The following EHBP1L1 variants were observed in gnomAD, a reference collection of about 807,000 sequenced individuals.
EHBP1L1 encodes EH domain-binding protein 1-like protein 1.
A neutral mutation model predicts 151.1 loss-of-function variants in EHBP1L1; 122 were observed. The ratio of observed to expected loss-of-function variants is 0.81; its 90% CI spans 0.70 to 0.94. The LOEUF is 0.94. Among genes scored for constraint, EHBP1L1 ranks in the 40% least tolerant of loss-of-function variants. The probability of loss-of-function intolerance (pLI) is 0.00; values close to 1 mark genes in which losing one functional copy is unlikely to be tolerated. For missense variants in EHBP1L1, 1,941 were observed against 1,959.8 expected (o/e 0.99, Z 0.18); for synonymous variants, 878 against 810.1 (o/e 1.08, Z -1.42).
Position 65,585,073 on chromosome 11 carries a change from G to T in EHBP1L1, c.3415G>T (p.Ala1139Ser). Reference sequence around the variant, plus strand: ...CATGACGTACCTGTGCCAGATCCGCGCCTTCTGCACCGGGCAGGAGCTGCA... The same window carrying T: ...CATGACGTACCTGTGCCAGATCCGCTCCTTCTGCACCGGGCAGGAGCTGCA... ...IVMTYLCQIR[A>S]FCTGQELQLV... The change falls in exon 12 of 19, where the codon GCC becomes TCC. Residue 1139 changes from alanine (A) to serine (S), a missense_variant. Ala to Ser is a moderately conservative substitution (Grantham distance 99). Transcript: ENST00000309295. This position sits in a 1 kb window ranked among gnomAD's most constrained non-coding sequence, Gnocchi z 4.0. The T allele has an allele frequency of 6.5e-7, 1 of 1,543,760 alleles. No homozygotes were observed. Among genetic ancestry groups the T allele is most frequent in the East Asian group, 2.4e-5 (1 of 40,856 alleles).
rs76222487 is a variant in EHBP1L1, at chr11:65,582,033, C to A, written c.1361C>A (p.Thr454Asn). Residue 454 changes from threonine (T) to asparagine (N), a missense_variant, in exon 9 of 19, where the codon ACC (threonine) becomes AAC (asparagine). Coordinates refer to ENST00000309295, the MANE Select transcript of EHBP1L1 (RefSeq NM_001099409.3). ...GVMPEARCRG[T>N]PEAPPRGSQG... Reference sequence around the variant, plus strand: ...ATGCCTGAGGCAAGATGCAGGGGGACCCCTGAGGCTCCTCCAAGGGGCTCT... The same window carrying A: ...ATGCCTGAGGCAAGATGCAGGGGGAACCCTGAGGCTCCTCCAAGGGGCTCT... The A allele has an allele frequency of 2.5e-6, 4 of 1,613,456 alleles. No individual in the cohort carries two copies. Among genetic ancestry groups the A allele is most frequent in the African/African-American group, 1.3e-5 (1 of 75,040 alleles).
At chr11:65,578,707 T>C (rs11607147) in intron 1 of EHBP1L1, among the ~76,000 whole-genome samples, 88,830 of 152,162 alleles carry the variant, frequency 0.58, 28,434 homozygotes, top group Non-Finnish European at 0.69. Flanking sequence ...TGTGTTGGAG[T>C]CTGCGTGTGT....
Position 65,582,301 on chromosome 11 carries a change from G to T in EHBP1L1, c.1629G>T (p.Gly543=). 6.5e-7 allele frequency: 1 copy of T among 1,532,074 alleles called. No homozygotes were observed. The highest frequency in any genetic ancestry group is 1.3e-5 in the South Asian group (1 of 77,044). 94.9% of individuals were successfully genotyped at this position (1,532,074 alleles called of 1,614,324 possible). A position where few individuals can be genotyped will look rare whatever the true frequency, so the allele number is the denominator to read the frequency against. ...GGCCCCAGGTGAGCAGCTGGCAGGG[G>T]GCCCTGTTATCAACTGCCCAGGGGG... ...STRPQVSSWQ[G]ALLSTAQGAI... Residue 543 remains glycine, a synonymous_variant, in exon 9 of 19, where the codon GGG becomes GGT. Coordinates refer to ENST00000309295, the MANE Select transcript of EHBP1L1 (RefSeq NM_001099409.3).
rs1399196699 is a variant in EHBP1L1 at position 65,591,969 on chromosome 11, C to T, written c.4358-7C>T. On this transcript the variant is annotated splice_polypyrimidine_tract_variant and splice_region_variant and intron_variant, in intron 17 of 18. Coordinates refer to ENST00000309295, the MANE Select transcript of EHBP1L1 (RefSeq NM_001099409.3). ...GCCTCCTGACGCTTAGCCGCTTCGA[C>T]CCTCAGACTGGCAGAAAACGTCCGC... is the stretch of plus-strand genomic sequence containing the variant. 4 of 1,610,392 alleles carry T rather than the reference C, an allele frequency of 2.5e-6. No homozygotes were observed. Among genetic ancestry groups the T allele is most frequent in the African/African-American group, 1.3e-5 (1 of 74,838 alleles).
rs772533828 is a variant in EHBP1L1 at position 65,591,891 on chromosome 11, G to A, written c.4357+18G>A. ...CATCGAAGGTGGGACATGGGCTCAG[G>A]GGCCGGGAGGCAAGACAGAGCCAGG... On this transcript the variant is annotated intron_variant, in intron 17 of 18. Coordinates refer to ENST00000309295, the MANE Select transcript of EHBP1L1 (RefSeq NM_001099409.3). 6.2e-7 allele frequency: 1 copy of A among 1,603,320 alleles called. No homozygotes were observed. Among genetic ancestry groups the A allele is most frequent in the Admixed American group, 1.7e-5 (1 of 58,216 alleles).
chr11:65,585,009 G>A lies in EHBP1L1; in HGVS notation c.3351G>A (p.Ala1117=), dbSNP rs1295005925. The change falls in exon 12 of 19, where the codon GCG becomes GCA. Residue 1117 remains alanine, a synonymous_variant. Coordinates refer to ENST00000309295, the MANE Select transcript of EHBP1L1 (RefSeq NM_001099409.3). The surrounding 1 kb of genome is among the most constrained non-coding windows in gnomAD (Gnocchi z 4.0). ...ALGVSRLLEP[A]DMVLLSVPDK... ...GCGTGTCGCGGCTGCTGGAGCCCGC[G>A]GACATGGTGCTACTGTCGGTGCCCG... 6.5e-7 allele frequency: 1 copy of A among 1,535,280 alleles called. No individual in the cohort carries two copies. The highest frequency in any genetic ancestry group is 1.2e-5 in the South Asian group (1 of 84,036).
chr11:65,585,945 C>T lies in EHBP1L1; in HGVS notation c.3933+354C>T, dbSNP rs1259879880. Among the ~76,000 whole-genome samples the T allele has an allele frequency of 3.3e-5, 5 of 152,208 alleles. No individual in the cohort carries two copies. The highest frequency in any genetic ancestry group is 1.2e-4 in the African/African-American group (5 of 41,460). On this transcript the variant is annotated intron_variant, in intron 12 of 18. Coordinates refer to ENST00000309295, the MANE Select transcript of EHBP1L1 (RefSeq NM_001099409.3). The surrounding 1 kb of genome is among the most constrained non-coding windows in gnomAD (Gnocchi z 4.0). ...GCTGCAGAAGTTCCCGGAGCATCCACGTTCCTGGCACTCTGCCCAGTGCTT... is the reference window on the plus strand; with the variant it reads ...GCTGCAGAAGTTCCCGGAGCATCCATGTTCCTGGCACTCTGCCCAGTGCTT...
rs1858379318 is a variant in EHBP1L1 at position 65,592,340 on chromosome 11, C to G, written c.*38C>G. 1.5e-6 allele frequency: 2 copies of G among 1,339,786 alleles called. No individual in the cohort carries two copies. Among genetic ancestry groups the G allele is most frequent in the Non-Finnish European group, 9.5e-7 (1 of 1,049,094 alleles). 83.0% of individuals were successfully genotyped at this position (1,339,786 alleles called of 1,614,324 possible). On this transcript the variant is annotated 3_prime_UTR_variant, in exon 19 of 19. Coordinates refer to ENST00000309295, the MANE Select transcript of EHBP1L1 (RefSeq NM_001099409.3). Reference sequence around the variant, plus strand: ...GGGTGGCCCATAACTTCTCGCGTCCCCGGCGTCCGCCGCCGCCCCGGGCCT... The same window carrying G: ...GGGTGGCCCATAACTTCTCGCGTCCGCGGCGTCCGCCGCCGCCCCGGGCCT...
intron 13 of EHBP1L1, 41 bp from the exon 14 acceptor site, chr11:65,589,895 G>T: frequency 6.5e-7 from 1 of 1,533,406 alleles, no homozygotes; most frequent in South Asian, 1.2e-5. Flanking sequence ...CTGGGGGTGG[G>T]TGGTGGTTAG....
chr11:65,591,574 G>T (rs374981946), intron 16 of EHBP1L1: 26 of 606,112 alleles, frequency 4.3e-5, no homozygotes, highest in African/African-American at 3.1e-4. Context: ...CCTTCTGGGG[G>T]GTGTGTGGGA....
chr11:65,585,189 C>G lies in EHBP1L1; in HGVS notation c.3531C>G (p.Gly1177=). 8.0e-7 allele frequency: 1 copy of G among 1,249,872 alleles called. No individual in the cohort carries two copies. The allele number at this position is 1,249,872 out of a possible 1,614,324, so 77.4% of individuals were successfully genotyped here. A position where few individuals can be genotyped will look rare whatever the true frequency, so the allele number is the denominator to read the frequency against. ...CGCCCGACGACCTGGACGCCGGAGG[C>G]CTGGCGCAGCGGCTGCGCGGTCACG... ...PSPPDDLDAG[G]LAQRLRGHGA... is the part of the protein sequence containing the mutation. Residue 1177 remains glycine, a synonymous_variant, in exon 12 of 19, where the codon GGC becomes GGG. Transcript: ENST00000309295. The surrounding 1 kb of genome is among the most constrained non-coding windows in gnomAD (Gnocchi z 4.0).
Position 65,591,887 on chromosome 11 carries a change from T to A in EHBP1L1, c.4357+14T>A, listed in dbSNP as rs771629772. On this transcript the variant is annotated intron_variant, in intron 17 of 18. Coordinates refer to ENST00000309295, the MANE Select transcript of EHBP1L1 (RefSeq NM_001099409.3). Reference sequence around the variant, plus strand: ...TGGCCATCGAAGGTGGGACATGGGCTCAGGGGCCGGGAGGCAAGACAGAGC... The same window carrying A: ...TGGCCATCGAAGGTGGGACATGGGCACAGGGGCCGGGAGGCAAGACAGAGC... The A allele has an allele frequency of 2.3e-5, 37 of 1,592,942 alleles. No individual in the cohort carries two copies. Among genetic ancestry groups the A allele is most frequent in the Admixed American group, 7.0e-5 (4 of 57,394 alleles).
At chr11:65,576,563 G>A (rs540357496) in intron 1 of EHBP1L1, among the ~76,000 whole-genome samples, 157 bp downstream of exon 1, 86 of 152,338 alleles carry the variant, frequency 5.6e-4, no homozygotes, top group Admixed American at 2.0e-3. Context: ...AGATTCAGAA[G>A]TGCCCTTGCA....
chr11:65,579,259 G>T, intron 2 of EHBP1L1, 82 bp from the exon 3 acceptor site: 1 of 1,494,764 alleles, frequency 6.7e-7, no homozygotes. Flanking sequence ...GGGAGGGGAA[G>T]ATGGTGTCAA....
At chr11:65,576,521 A>T in intron 1 of EHBP1L1, 115 bp downstream of exon 1, 3 of 903,764 alleles carry the variant, frequency 3.3e-6, no homozygotes, top group Non-Finnish European at 4.9e-6. Context: ...CCCCCACCCC[A>T]GCTTGGGCCC....
rs560655143 is a variant in EHBP1L1 at position 65,590,588 on chromosome 11, C to T, written c.4279C>T (p.Leu1427=). The change falls in exon 16 of 19, where the codon CTG becomes TTG. Residue 1427 remains leucine (L), a synonymous_variant. Coordinates refer to ENST00000309295, the MANE Select transcript of EHBP1L1 (RefSeq NM_001099409.3). ...CATCCGGAGGCAGGACCAGCTGCAG[C>T]TGCTGTGAGTGCTGGCCCCGGGCCA... ...ALIRRQDQLQ[L]LMEEQDLERR... The T allele has an allele frequency of 1.2e-6, 2 of 1,613,346 alleles. No individual in the cohort carries two copies. The highest frequency in any genetic ancestry group is 1.7e-5 in the Admixed American group (1 of 60,012).
chr11:65,580,484 G>T lies in EHBP1L1; in HGVS notation c.634+5G>T. ...GGGCTCGAGTCCCCCAGCCAGGTGG[G>T]CTCACAGCCTGCTGTGGATCGAGAC... On this transcript the variant is annotated splice_donor_5th_base_variant and intron_variant, in intron 6 of 18. Coordinates refer to ENST00000309295, the MANE Select transcript of EHBP1L1 (RefSeq NM_001099409.3). 6.2e-7 allele frequency: 1 copy of T among 1,610,388 alleles called. No homozygotes were observed.
intron 12 of EHBP1L1, among the ~76,000 whole-genome samples, chr11:65,587,879 C>T (rs1245475012): frequency 1.3e-5 from 2 of 152,180 alleles, no homozygotes; most frequent in Non-Finnish European, 2.9e-5. Context: ...TGGTCCCTGC[C>T]TCACAGGGCT....
chr11:65,581,616 C>T lies in EHBP1L1; in HGVS notation c.944C>T (p.Pro315Leu). 1 of 1,538,602 alleles carries T rather than the reference C, an allele frequency of 6.5e-7. No homozygotes were observed. Among genetic ancestry groups the T allele is most frequent in the Non-Finnish European group, 8.8e-7 (1 of 1,141,410 alleles). Residue 315 changes from proline to leucine, a missense_variant, in exon 9 of 19, where the codon CCC becomes CTC. By Grantham distance (98) the Pro-to-Leu change is moderately conservative. Coordinates refer to ENST00000309295, the MANE Select transcript of EHBP1L1 (RefSeq NM_001099409.3). ...RLRKGSDALR[P>L]PVPQGEDEVP... Reference sequence around the variant, plus strand: ...CGGAAAGGCTCTGATGCCCTCCGGCCCCCAGTCCCCCAGGGGGAAGATGAG... The same window carrying T: ...CGGAAAGGCTCTGATGCCCTCCGGCTCCCAGTCCCCCAGGGGGAAGATGAG...
Sources: allele counts gnomAD v4.1 joint callset (sites outside exome capture counted in the v4.1 genomes callset), GRCh38; gene constraint gnomAD v4.1.1; non-coding constraint Gnocchi (gnomAD v3.1); transcripts MANE v1.5; gene names NCBI Gene and HGNC (gene_info 2026-07-23, HGNC 2026-07-21).